The following KCNQ1 variants were observed in gnomAD, a reference collection of about 807,000 sequenced individuals.
KCNQ1 encodes potassium voltage-gated channel subfamily Q member 1, also known as potassium voltage-gated channel subfamily KQT member 1.
KCNQ1 carries 49 observed loss-of-function variants against 72.4 expected under a neutral mutation model. The observed-to-expected ratio is 0.68, with a 90% CI of 0.54 to 0.86. KCNQ1 has a LOEUF of 0.86. KCNQ1 is among the 40% of genes least tolerant of loss of function. KCNQ1 has a pLI of 0.00. For missense variants in KCNQ1, 790 were observed against 945.1 expected (o/e 0.84, Z 2.15); for synonymous variants, 450 against 412.6 (o/e 1.09, Z -1.10).
rs922138847 is a variant in KCNQ1 at position 2,789,038 on chromosome 11, C to T, written c.1794+11001C>T. Among the ~76,000 whole-genome samples, 24 of 152,206 alleles carry T rather than the reference C, an allele frequency of 1.6e-4. 2 individuals are homozygous for T. The highest frequency in any genetic ancestry group is 4.6e-4 in the Admixed American group (7 of 15,294). ...CATCATGGCTTGCCTGGCCAGGGAC[C>T]GAGGCCCCGTACCCTCCCCCAACTT... is the stretch of plus-strand genomic sequence containing the variant. On this transcript the variant is annotated intron_variant, in intron 15 of 15. Transcript: ENST00000155840.
chr11:2,721,303 G>T (rs1415511171), intron 11 of KCNQ1, among the ~76,000 whole-genome samples: 2 of 152,186 alleles, frequency 1.3e-5, no homozygotes, highest in Non-Finnish European at 2.9e-5. Flanking sequence ...ACCCGCAGGG[G>T]TCTGCTCGTG....
rs535334193 is a variant in KCNQ1, at chr11:2,463,752, C to T, written c.386+18268C>T. On this transcript the variant is annotated intron_variant, in intron 1 of 15. Transcript: ENST00000155840. The surrounding 1 kb of genome is among the most constrained non-coding windows in gnomAD (Gnocchi z 7.0). ...TTGTGCAACTCGAGTTTCAGAGTGG[C>T]GGCCTCTGCTCCTCACAAGACATTG... 3.9e-5 allele frequency among the ~76,000 whole-genome samples: 6 copies of T among 152,338 alleles called. No homozygotes were observed. Among genetic ancestry groups the T allele is most frequent in the South Asian group, 2.1e-4 (1 of 4,834 alleles).
In KCNQ1 at chr11:2,783,820, C is replaced by G. The variant is rs532703059; in HGVS notation, c.1794+5783C>G. Reference sequence around the variant, plus strand: ...TCTTTGGTGAAATGTTTATTCAACTCTCTTGCCCATTTTCTAATTAAGTAG... The same window carrying G: ...TCTTTGGTGAAATGTTTATTCAACTGTCTTGCCCATTTTCTAATTAAGTAG... On this transcript the variant is annotated intron_variant, in intron 15 of 15. Transcript: ENST00000155840. The surrounding 1 kb of genome is among the most constrained non-coding windows in gnomAD (Gnocchi z 5.2). Among the ~76,000 whole-genome samples, 1 of 152,032 alleles carries G rather than the reference C, an allele frequency of 6.6e-6. No individual in the cohort carries two copies. The highest frequency in any genetic ancestry group is 1.5e-5 in the Non-Finnish European group (1 of 67,890).
At chr11:2,839,221 C>T (rs1439035094) in intron 15 of KCNQ1, among the ~76,000 whole-genome samples, 1 of 152,216 alleles carries the variant, frequency 6.6e-6, no homozygotes. Flanking sequence ...CCTCTGGGTG[C>T]ACCTGGGCCT....
rs141481385 is a variant in KCNQ1, at chr11:2,713,303, A to G, written c.1514+51222A>G. 6.6e-6 allele frequency among the ~76,000 whole-genome samples: 1 copy of G among 152,146 alleles called. No individual in the cohort carries two copies. Among genetic ancestry groups the G allele is most frequent in the African/African-American group, 2.4e-5 (1 of 41,500 alleles). ...AATCACATTGTTCACTGCGCTTCTC[A>G]GGCCTTCTGGGCTCTTCCTCTGCTG... On this transcript the variant is annotated intron_variant, in intron 11 of 15. Transcript: ENST00000155840. The surrounding 1 kb of genome is among the most constrained non-coding windows in gnomAD (Gnocchi z 5.6).
At chr11:2,797,302 T>C (rs1335000951) in intron 15 of KCNQ1, among the ~76,000 whole-genome samples, 1 of 152,208 alleles carries the variant, frequency 6.6e-6, no homozygotes, top group Non-Finnish European at 1.5e-5. Flanking sequence ...CCAACCTGCC[T>C]GCAGACCAAG....
rs1849007721 is a variant in KCNQ1 at position 2,613,100 on chromosome 11, T to C, written c.1393+24246T>C. On this transcript the variant is annotated intron_variant, in intron 10 of 15. Coordinates refer to ENST00000155840, the MANE Select transcript of KCNQ1 (RefSeq NM_000218.3). The surrounding 1 kb of genome is among the most constrained non-coding windows in gnomAD (Gnocchi z 4.8). Reference sequence around the variant, plus strand: ...CAAGCCATGATTAGTCAGACATTTGTTTAAACATCTTGAGCCAGTGAATCT... The same window carrying C: ...CAAGCCATGATTAGTCAGACATTTGCTTAAACATCTTGAGCCAGTGAATCT... 2 of 398,492 alleles carry C rather than the reference T, an allele frequency of 5.0e-6. No individual in the cohort carries two copies. Among genetic ancestry groups the C allele is most frequent in the South Asian group, 2.5e-4 (2 of 7,862 alleles). The allele number at this position is 398,492 out of a possible 1,614,324, so 24.7% of individuals were successfully genotyped here. A position where few individuals can be genotyped will look rare whatever the true frequency, so the allele number is the denominator to read the frequency against.
At chr11:2,597,230 T>C (rs868607079) in intron 10 of KCNQ1, among the ~76,000 whole-genome samples, 14 of 152,182 alleles carry the variant, frequency 9.2e-5, no homozygotes, top group East Asian at 1.9e-4. Context: ...GTCTCAGTCA[T>C]TGATGTTAGA....
chr11:2,579,530 C>A lies in KCNQ1; in HGVS notation c.922-3905C>A, dbSNP rs1356583197. On this transcript the variant is annotated intron_variant, in intron 6 of 15. Coordinates refer to ENST00000155840, the MANE Select transcript of KCNQ1 (RefSeq NM_000218.3). This position sits in a 1 kb window ranked among gnomAD's most constrained non-coding sequence, Gnocchi z 6.0. ...ATGGTGACCATAAAACAGCCCATTCCTGAGCTGCCTGTGTCTGAATGCAGG... is the reference window on the plus strand; with the variant it reads ...ATGGTGACCATAAAACAGCCCATTCATGAGCTGCCTGTGTCTGAATGCAGG... 6.6e-6 allele frequency among the ~76,000 whole-genome samples: 1 copy of A among 152,238 alleles called. No homozygotes were observed. Among genetic ancestry groups the A allele is most frequent in the Non-Finnish European group, 1.5e-5 (1 of 68,040 alleles).
chr11:2,639,876 G>T (rs1306706488), intron 10 of KCNQ1: 1 of 153,050 alleles, frequency 6.5e-6, no homozygotes, highest in African/African-American at 2.4e-5. Context: ...CGAGCTTCCT[G>T]GCCACTTTGT....
rs774505801 is a variant in KCNQ1 at position 2,710,546 on chromosome 11, A to G, written c.1514+48465A>G. 1.3e-5 allele frequency among the ~76,000 whole-genome samples: 2 copies of G among 152,216 alleles called. No individual in the cohort carries two copies. The highest frequency in any genetic ancestry group is 2.9e-5 in the Non-Finnish European group (2 of 68,028). On this transcript the variant is annotated intron_variant, in intron 11 of 15. Transcript: ENST00000155840. This position sits in a 1 kb window ranked among gnomAD's most constrained non-coding sequence, Gnocchi z 4.1. ...GTTTTTGGTGTCATAACTAAATAAC[A>G]ACATGTAATCTGAGGTCAAAAAGAT...
intron 11 of KCNQ1, among the ~76,000 whole-genome samples, chr11:2,736,118 G>T (rs1845951613): frequency 1.3e-5 from 2 of 152,102 alleles, no homozygotes; most frequent in Admixed American, 1.3e-4. Context: ...ATGCCAGAGG[G>T]GGCTCATTGG....
At chr11:2,722,528 G>A (rs1418666923) in intron 11 of KCNQ1, among the ~76,000 whole-genome samples, 2 of 152,128 alleles carry the variant, frequency 1.3e-5, no homozygotes, top group African/African-American at 4.8e-5. Context: ...AGGAAGGAGA[G>A]GCCAGCATGT....
chr11:2,571,356 C>G lies in KCNQ1; in HGVS notation c.636C>G (p.Val212=), dbSNP rs759705102. The change falls in exon 4 of 16, where the codon GTC becomes GTG. Residue 212 remains valine, a synonymous_variant. Transcript: ENST00000155840. ...TCGTGGTCGTGGCCTCCATGGTGGT[C>G]CTCTGCGTGGGCTCCAAGGGGCAGG... The part of the protein sequence containing the change: ...DLIVVVASMV[V]LCVGSKGQVF... 6.2e-7 allele frequency: 1 copy of G among 1,613,226 alleles called. No individual in the cohort carries two copies. The highest frequency in any genetic ancestry group is 1.7e-5 in the Admixed American group (1 of 60,018).
chr11:2,633,856 C>T lies in KCNQ1; in HGVS notation c.1394-28105C>T, dbSNP rs113187345. On this transcript the variant is annotated intron_variant, in intron 10 of 15. Coordinates refer to ENST00000155840, the MANE Select transcript of KCNQ1 (RefSeq NM_000218.3). Reference sequence around the variant, plus strand: ...GTCCCAGAGTCAGCCCTGTGTAATGCGCATATACAAAATGTCAGTCATCTG... The same window carrying T: ...GTCCCAGAGTCAGCCCTGTGTAATGTGCATATACAAAATGTCAGTCATCTG... The T allele has an allele frequency of 2.1e-4, 82 of 398,540 alleles. 1 individual carries two copies. The highest frequency in any genetic ancestry group is 1.5e-3 in the African/African-American group (72 of 48,732). The allele number at this position is 398,540 out of a possible 1,614,324, so 24.7% of individuals were successfully genotyped here.
chr11:2,590,252 TGCAAAGGTGCCATCTGTGGCCC>T (rs1483205917), intron 10 of KCNQ1, among the ~76,000 whole-genome samples: 2 of 152,212 alleles, frequency 1.3e-5, no homozygotes, highest in African/African-American at 4.8e-5. Context: ...TAGTACCTCG[TGCAAAGGTGCCATCTGTGGCCC>T]TGCTCGCTGC....
intron 15 of KCNQ1, among the ~76,000 whole-genome samples, chr11:2,795,335 G>A (rs1448017418): frequency 6.6e-6 from 1 of 152,244 alleles, no homozygotes. Flanking sequence ...CCACGGACAG[G>A]GCCCCAGGGT....
intron 11 of KCNQ1, chr11:2,692,224 C>T: frequency 2.5e-6 from 1 of 399,010 alleles, no homozygotes; most frequent in Non-Finnish European, 4.4e-6. Context: ...TTCCTCACCA[C>T]CTGCCCATCA....
At chr11:2,741,188 G>A (rs1299159830) in intron 11 of KCNQ1, among the ~76,000 whole-genome samples, 1 of 152,120 alleles carries the variant, frequency 6.6e-6, no homozygotes, top group African/African-American at 2.4e-5. Flanking sequence ...GTCTCAGGGT[G>A]GCCTCAGAGA....
Sources: gnomAD v4.1 joint callset for allele counts (sites outside exome capture counted in the v4.1 genomes callset) on GRCh38, gnomAD v4.1.1 for gene constraint, Gnocchi (gnomAD v3.1) non-coding constraint, MANE v1.5 for transcripts, NCBI Gene and HGNC (gene_info 2026-07-23, HGNC 2026-07-21) for gene names.